PARP11: variants seen among roughly 807,000 people sequenced by gnomAD.
PARP11 encodes the protein poly(ADP-ribose) polymerase family member 11, also known as protein mono-ADP-ribosyltransferase PARP11.
A neutral mutation model predicts 42.9 loss-of-function variants in PARP11; 31 were observed. The observed-to-expected ratio is 0.72, with a 90% CI of 0.54 to 0.98. The LOEUF (loss-of-function observed/expected upper bound fraction) is 0.98. Among genes scored for constraint, PARP11 ranks in the 50% least tolerant of loss-of-function variants. PARP11 has a pLI of 0.00. For synonymous variants in PARP11, 137 were observed against 127.3 expected, an observed-to-expected ratio of 1.08 and a Z score of -0.51; for missense variants, 365 against 413.1, an observed-to-expected ratio of 0.88 and a Z score of 1.01.
chr12:3,833,120 C>T (rs757293579), intron 1 of PARP11, among the ~76,000 whole-genome samples: 5 of 152,198 alleles, frequency 3.3e-5, no homozygotes, highest in South Asian at 2.1e-4. Flanking sequence ...TAGTTTACTA[C>T]AACAAAGTAT....
chr12:3,828,924 T>G lies in PARP11; in HGVS notation c.254A>C (p.Lys85Thr), dbSNP rs754070697. ...ISFTTSKFSYKIDFAEMKQMN... is the reference protein window; with the variant it reads ...ISFTTSKFSYTIDFAEMKQMN... The stretch of plus-strand genomic sequence containing the variant: ...AAAAAACATACCTGCAAAGTCTATC[T>G]TGTAGCTGAATTTGGAAGTAGTAAA... The change falls in exon 3 of 8, where the codon AAG becomes ACG. Residue 85 changes from lysine (K) to threonine (T), a missense_variant. By Grantham distance (78) the Lys-to-Thr change is moderately conservative. Transcript: ENST00000228820. 2 of 1,613,918 alleles carry G rather than the reference T, an allele frequency of 1.2e-6. No individual in the cohort carries two copies. The highest frequency in any genetic ancestry group is 2.7e-5 in the African/African-American group (2 of 74,926).
intron 1 of PARP11, among the ~76,000 whole-genome samples, chr12:3,845,839 A>G (rs917719202): frequency 8.5e-5 from 13 of 152,258 alleles, no homozygotes; most frequent in Non-Finnish European, 1.8e-4. Flanking sequence ...CCCGAAATAC[A>G]AGTTTTAGAA....
intron 1 of PARP11, among the ~76,000 whole-genome samples, chr12:3,866,241 A>C (rs1227903539): frequency 6.6e-6 from 1 of 151,358 alleles, no homozygotes; most frequent in African/African-American, 2.4e-5. Context: ...GTCCTGAATA[A>C]CTCTTCTCTT....
In PARP11 at chr12:3,826,372, G is replaced by A. The variant is rs1160397792; in HGVS notation, c.269-139C>T. 7.4e-6 allele frequency: 4 copies of A among 540,640 alleles called. No homozygotes were observed. The African/African-American group carries it at 7.7e-5, about 10-fold the overall frequency. The allele number at this position is 540,640 out of a possible 1,614,324, so 33.5% of individuals were successfully genotyped here. On this transcript the variant is annotated intron_variant, in intron 3 of 7. Coordinates refer to ENST00000228820, the MANE Select transcript of PARP11 (RefSeq NM_020367.6). ...TAGCTGGCAAGCATAGTGTATTATG[G>A]GTACTTTACCATGCAGCTAGCTATG...
chr12:3,852,681 C>A (rs1023293718), intron 1 of PARP11, among the ~76,000 whole-genome samples: 4 of 152,104 alleles, frequency 2.6e-5, no homozygotes, highest in Non-Finnish European at 5.9e-5. Context: ...AGTGACGGGG[C>A]GAATGGAACC....
At chr12:3,865,745 G>T (rs1214697635) in intron 1 of PARP11, among the ~76,000 whole-genome samples, 2 of 151,694 alleles carry the variant, frequency 1.3e-5, no homozygotes, top group African/African-American at 4.8e-5. Flanking sequence ...TATTCAAATT[G>T]TATTTCTTAC....
At chr12:3,847,058 C>G (rs1351125021) in intron 1 of PARP11, among the ~76,000 whole-genome samples, 1 of 151,864 alleles carries the variant, frequency 6.6e-6, no homozygotes, top group Non-Finnish European at 1.5e-5. Flanking sequence ...GCCTGGTCAA[C>G]AGAGAGAGAT....
At position 3,861,102 on chromosome 12, in the gene PARP11, T is replaced by C. The variant is rs1948285630; in HGVS notation, c.18+12110A>G. 6.6e-6 allele frequency among the ~76,000 whole-genome samples: 1 copy of C among 152,200 alleles called. No homozygotes were observed. The highest frequency in any genetic ancestry group is 6.5e-5 in the Admixed American group (1 of 15,278). Reference sequence around the variant, plus strand: ...ATTTAGATAATATTTAGATGAGATGTTGGACTTTAAAGTTGATGCTGGTAT... The same window carrying C: ...ATTTAGATAATATTTAGATGAGATGCTGGACTTTAAAGTTGATGCTGGTAT... On this transcript the variant is annotated intron_variant, in intron 1 of 7. Transcript: ENST00000228820. This position sits in a 1 kb window ranked among gnomAD's most constrained non-coding sequence, Gnocchi z 4.6.
At chr12:3,835,550 C>A (rs1378061557) in intron 1 of PARP11, among the ~76,000 whole-genome samples, 1 of 152,150 alleles carries the variant, frequency 6.6e-6, no homozygotes, top group Non-Finnish European at 1.5e-5. Context: ...CTAGATGAGG[C>A]ACAGGTGGTA....
chr12:3,839,968 T>A, intron 1 of PARP11: 1 of 1,416,006 alleles, frequency 7.1e-7, no homozygotes, highest in Non-Finnish European at 1.0e-6. Flanking sequence ...TGTGAATGGA[T>A]TTAAACCTTT....
rs1290876586 is a variant in PARP11 at position 3,861,447 on chromosome 12, G to T, written c.18+11765C>A. On this transcript the variant is annotated intron_variant, in intron 1 of 7. Transcript: ENST00000228820. The surrounding 1 kb of genome is among the most constrained non-coding windows in gnomAD (Gnocchi z 4.6). ...ATAATGATGTTGAACATCTTTTCATGTTGTTATTTTCCATCTGCTTATCTT... is the reference window on the plus strand; with the variant it reads ...ATAATGATGTTGAACATCTTTTCATTTTGTTATTTTCCATCTGCTTATCTT... Among the ~76,000 whole-genome samples, 1 of 152,110 alleles carries T rather than the reference G, an allele frequency of 6.6e-6. No individual in the cohort carries two copies. The highest frequency in any genetic ancestry group is 1.5e-5 in the Non-Finnish European group (1 of 68,004).
In PARP11 at chr12:3,813,420, C is replaced by T. The variant is rs572507246; in HGVS notation, c.700+617G>A. ...ACACATGAAAACTCGATAAAGCAGC[C>T]AACTCTTCTGAAATGGTAGACACAA... is the stretch of plus-strand genomic sequence containing the variant. On this transcript the variant is annotated intron_variant, in intron 7 of 7. Coordinates refer to ENST00000228820, the MANE Select transcript of PARP11 (RefSeq NM_020367.6). Among the ~76,000 whole-genome samples the T allele has an allele frequency of 1.2e-4, 19 of 152,174 alleles. No homozygotes were observed. The East Asian group carries it at 2.9e-3, about 23-fold the overall frequency.
At chr12:3,843,739 C>G (rs1405425686) in intron 1 of PARP11, among the ~76,000 whole-genome samples, 1 of 152,170 alleles carries the variant, frequency 6.6e-6, no homozygotes, top group Admixed American at 6.5e-5. Context: ...AGATTGAACT[C>G]TGAATTAACA....
chr12:3,809,697 C>A lies in PARP11; in HGVS notation c.*2426G>T, dbSNP rs755419874. On this transcript the variant is annotated 3_prime_UTR_variant, in exon 8 of 8. Transcript: ENST00000228820. The stretch of plus-strand genomic sequence containing the variant: ...ATGTGGTTTTTTGGTATGTAAATTA[C>A]AAATAAATCGAAAAAAAGATTTTCA... 6.6e-6 allele frequency: 1 copy of A among 152,118 alleles called. No homozygotes were observed. The highest frequency in any genetic ancestry group is 2.4e-5 in the African/African-American group (1 of 41,426). 9.4% of individuals were successfully genotyped at this position (152,118 alleles called of 1,614,324 possible).
intron 6 of PARP11, among the ~76,000 whole-genome samples, chr12:3,821,155 A>C (rs1947383236): frequency 6.6e-6 from 1 of 152,216 alleles, no homozygotes; most frequent in African/African-American, 2.4e-5. Context: ...GTTTATTTGC[A>C]ATTTCTCTGA....
At chr12:3,872,149 CAGAG>C (rs1948495082) in intron 1 of PARP11, among the ~76,000 whole-genome samples, 1 of 152,186 alleles carries the variant, frequency 6.6e-6, no homozygotes, top group Non-Finnish European at 1.5e-5. Context: ...AAATGATACA[CAGAG>C]AGGCCAAGAA....
Position 3,861,237 on chromosome 12 carries a change from G to A in PARP11, c.18+11975C>T, listed in dbSNP as rs1209716049. ...AGGGCCAGAATGTTATAGACTAAAC[G>A]TTTGTGTCCTTGCCAAATTATTATG... On this transcript the variant is annotated intron_variant, in intron 1 of 7. Transcript: ENST00000228820. The surrounding 1 kb of genome is among the most constrained non-coding windows in gnomAD (Gnocchi z 4.6). Among the ~76,000 whole-genome samples the A allele has an allele frequency of 1.3e-5, 2 of 152,156 alleles. No individual in the cohort carries two copies. The highest frequency in any genetic ancestry group is 2.1e-4 in the South Asian group (1 of 4,834).
At chr12:3,873,120 C>A (rs1023902196) in intron 1 of PARP11, 92 bp downstream of exon 1, 33 of 1,217,978 alleles carry the variant, frequency 2.7e-5, no homozygotes, top group South Asian at 9.0e-5. Flanking sequence ...CAGACTGAAG[C>A]GAGCGCGGGG....
chr12:3,860,028 A>G (rs577530079), intron 1 of PARP11, among the ~76,000 whole-genome samples: 13 of 152,334 alleles, frequency 8.5e-5, no homozygotes, highest in Admixed American at 5.9e-4. Flanking sequence ...GCAAGAAGAG[A>G]GAATGACTTA....
Sources: allele counts gnomAD v4.1 joint callset (sites outside exome capture counted in the v4.1 genomes callset), GRCh38; gene constraint gnomAD v4.1.1; non-coding constraint Gnocchi (gnomAD v3.1); transcripts MANE v1.5; gene names NCBI Gene and HGNC (gene_info 2026-07-23, HGNC 2026-07-21).